The following EXOC2 variants were observed in gnomAD, a reference collection of about 807,000 sequenced individuals.
EXOC2 encodes the protein SEC5-like 1.
A neutral mutation model predicts 131.8 loss-of-function variants in EXOC2; 70 were observed. The ratio of observed to expected loss-of-function variants is 0.53; its 90% confidence interval spans 0.44 to 0.65. The LOEUF (loss-of-function observed/expected upper bound fraction) is 0.65, where lower values mean the gene tolerates loss of function less well. Among genes scored for constraint, EXOC2 ranks in the 30% least tolerant of loss-of-function variants. The pLI is 0.00. For missense variants in EXOC2, 923 were observed against 1,108.6 expected (o/e 0.83, Z 2.38); for synonymous variants, 411 against 398.4 (o/e 1.03, Z -0.38).
At position 609,972 on chromosome 6, in the gene EXOC2, C is replaced by A. The variant is rs552552600; in HGVS notation, c.742+126G>T. 10 of 669,292 alleles carry A rather than the reference C, an allele frequency of 1.5e-5. 1 individual carries two copies. In the South Asian group the frequency reaches 2.0e-4, roughly 14 times the overall value. 41.5% of individuals were successfully genotyped at this position (669,292 alleles called of 1,614,324 possible). A position where few individuals can be genotyped will look rare whatever the true frequency, so the allele number is the denominator to read the frequency against. On this transcript the variant is annotated intron_variant, in intron 7 of 27. Coordinates refer to ENST00000230449, the MANE Select transcript of EXOC2 (RefSeq NM_018303.6). Reference sequence around the variant, plus strand: ...ATTCTCCTTTGTGTTCATTAAATCACTACTATTTAGAAATAAATAGTAAAA... The same window carrying A: ...ATTCTCCTTTGTGTTCATTAAATCAATACTATTTAGAAATAAATAGTAAAA...
rs9504600 is a variant in EXOC2, at chr6:648,898, T to C, written c.-43-11037A>G. Among the ~76,000 whole-genome samples the C allele has an allele frequency of 2.9e-3, 438 of 151,690 alleles. 1 individual carries two copies. The highest frequency in any genetic ancestry group is 0.01 in the African/African-American group (425 of 41,360). On this transcript the variant is annotated intron_variant, in intron 1 of 27. Transcript: ENST00000230449. ...CACCATGCCTGCCTAATTTTTGTTA[T>C]ATTTTTTTTTTAATAGAGACAGGGT...
At position 549,162 on chromosome 6, in the gene EXOC2, T is replaced by C; in HGVS notation, c.2238+13A>G. 6.2e-7 allele frequency: 1 copy of C among 1,603,458 alleles called. No homozygotes were observed. Among genetic ancestry groups the C allele is most frequent in the South Asian group, 1.1e-5 (1 of 90,820 alleles). On this transcript the variant is annotated intron_variant, in intron 22 of 27. Coordinates refer to ENST00000230449, the MANE Select transcript of EXOC2 (RefSeq NM_018303.6). ...AAACCACCGACTTGTGCGTTTTACA[T>C]GAACTCGCTTACCTGTGTGATTTTT...
intron 2 of EXOC2, among the ~76,000 whole-genome samples, chr6:636,525 G>A (rs1032711151): frequency 4.6e-5 from 7 of 152,194 alleles, no homozygotes; most frequent in Non-Finnish European, 1.0e-4. Flanking sequence ...ACTAAACACA[G>A]TGCTGAGCTC....
At chr6:661,725 C>T (rs979761536) in intron 1 of EXOC2, among the ~76,000 whole-genome samples, 5 of 152,004 alleles carry the variant, frequency 3.3e-5, no homozygotes, top group African/African-American at 7.2e-5. Flanking sequence ...CAAAAATACA[C>T]GTTACAAAGC....
intron 23 of EXOC2, among the ~76,000 whole-genome samples, chr6:507,360 ACACACACAC>A (rs1764626200): frequency 2.4e-5 from 1 of 41,858 alleles, no homozygotes. Flanking sequence ...CAGTGACCCC[ACACACACAC>A]ACACACACAC....
At chr6:640,122 T>G (rs1762287866) in intron 1 of EXOC2, among the ~76,000 whole-genome samples, 2 of 152,230 alleles carry the variant, frequency 1.3e-5, no homozygotes, top group Non-Finnish European at 2.9e-5. Context: ...CAGTCTCTTT[T>G]TCTATGATAT....
intron 18 of EXOC2, 42 bp from the exon 19 acceptor site, chr6:556,055 A>G (rs1257222953): frequency 1.3e-6 from 2 of 1,588,548 alleles, no homozygotes; most frequent in African/African-American, 2.7e-5. Flanking sequence ...GACTTTGCTA[A>G]GAAAAGGTTT....
At chr6:639,692 A>G (rs1174089469) in intron 1 of EXOC2, among the ~76,000 whole-genome samples, 9 of 152,192 alleles carry the variant, frequency 5.9e-5, no homozygotes, top group Admixed American at 5.9e-4. Flanking sequence ...ACTCACTGTA[A>G]ACTGCCCACA....
At chr6:555,650 T>A (rs1001737218) in intron 19 of EXOC2, among the ~76,000 whole-genome samples, 1 of 152,196 alleles carries the variant, frequency 6.6e-6, no homozygotes, top group Non-Finnish European at 1.5e-5. Flanking sequence ...ACCCTAGATA[T>A]AATGTGAACA....
intron 23 of EXOC2, among the ~76,000 whole-genome samples, chr6:515,074 T>C (rs976650458): frequency 1.3e-5 from 2 of 152,362 alleles, no homozygotes; most frequent in East Asian, 3.8e-4. Context: ...TATAAAGATA[T>C]TGGCTTTTAT....
chr6:512,251 C>T (rs745629808), intron 23 of EXOC2, among the ~76,000 whole-genome samples: 13 of 152,158 alleles, frequency 8.5e-5, no homozygotes, highest in Non-Finnish European at 1.5e-4. Context: ...AGGTTTGAAC[C>T]GCGTGGGTCC....
At chr6:577,938 C>T (rs1758674649) in intron 11 of EXOC2, among the ~76,000 whole-genome samples, 1 of 152,172 alleles carries the variant, frequency 6.6e-6, no homozygotes, top group African/African-American at 2.4e-5. Context: ...CTTTTCTGCC[C>T]TCTGACAGCA....
intron 24 of EXOC2, among the ~76,000 whole-genome samples, 173 bp downstream of exon 24, chr6:499,472 C>CACACACAG (rs1554116818): frequency 1.4e-4 from 20 of 146,820 alleles, no homozygotes; most frequent in Non-Finnish European, 2.9e-4. Flanking sequence ...CACACACACA[C>CACACACAG]AGAGACAGAG....
intron 1 of EXOC2, among the ~76,000 whole-genome samples, chr6:675,005 C>A (rs11757546): frequency 6.6e-6 from 1 of 152,000 alleles, no homozygotes; most frequent in African/African-American, 2.4e-5. Flanking sequence ...GCTTGCCTAC[C>A]CTGCCTAGCC....
chr6:671,185 C>T (rs1763846926), intron 1 of EXOC2, among the ~76,000 whole-genome samples: 1 of 151,672 alleles, frequency 6.6e-6, no homozygotes. Context: ...GGCAAAATCC[C>T]GTCTCTACTA....
intron 1 of EXOC2, chr6:656,152 C>G (rs1332922918): frequency 1.2e-6 from 2 of 1,613,924 alleles, no homozygotes; most frequent in Non-Finnish European, 1.7e-6. Context: ...TCTTCTTGAA[C>G]CAAAACAAGC....
chr6:673,062 C>G (rs776585951), intron 1 of EXOC2, among the ~76,000 whole-genome samples: 5 of 151,912 alleles, frequency 3.3e-5, no homozygotes, highest in Non-Finnish European at 5.9e-5. Context: ...TAGTTTGAGA[C>G]CACCCTGGCC....
intron 16 of EXOC2, 101 bp from the exon 17 acceptor site, chr6:562,946 T>C (rs553924469): frequency 3.4e-4 from 278 of 817,464 alleles, no homozygotes; most frequent in Middle Eastern, 7.7e-4. Flanking sequence ...TTGTTTTATA[T>C]AGGTTTGTAA....
intron 14 of EXOC2, 59 bp from the exon 15 acceptor site, chr6:564,761 C>T: frequency 1.3e-6 from 2 of 1,572,944 alleles, no homozygotes; most frequent in Non-Finnish European, 1.7e-6. Context: ...GTTACATTAA[C>T]TAAAAGATGC....
Sources: allele counts gnomAD v4.1 joint callset (sites outside exome capture counted in the v4.1 genomes callset), GRCh38; gene constraint gnomAD v4.1.1; transcripts MANE v1.5; gene names NCBI Gene and HGNC (gene_info 2026-07-23, HGNC 2026-07-21).